The following C1orf53 variants were observed in gnomAD, a reference collection of about 807,000 sequenced individuals.
C1orf53 encodes the protein uncharacterized protein C1orf53.
A neutral mutation model predicts 17.5 loss-of-function variants in C1orf53; 23 were observed. The ratio of observed to expected loss-of-function variants is 1.31; its 90% CI spans 0.94 to 1.86. C1orf53 has a LOEUF of 1.86. Among genes scored for constraint, C1orf53 ranks in the 40% most tolerant of loss-of-function variants. The pLI, the probability that C1orf53 is intolerant of heterozygous loss-of-function variation, is 0.00. For synonymous variants in C1orf53, 108 were observed against 81.9 expected (o/e 1.32, Z -1.72); for missense variants, 255 against 193.2 (o/e 1.32, Z -1.89).
chr1:197,906,277 G>A (rs901628623), intron 2 of C1orf53, among the ~76,000 whole-genome samples: 1 of 152,124 alleles, frequency 6.6e-6, no homozygotes, highest in Admixed American at 6.5e-5. Context: ...TGAATAAATA[G>A]AAACTCGCCC....
rs749121180 is a variant in C1orf53 at position 197,902,913 on chromosome 1, G to C, written c.264G>C (p.Ala88=). 2.6e-4 allele frequency: 386 copies of C among 1,458,070 alleles called. 1 individual carries two copies. The highest frequency in any genetic ancestry group is 4.0e-4 in the South Asian group (30 of 75,392). 90.3% of individuals were successfully genotyped at this position (1,458,070 alleles called of 1,614,324 possible). ...CGGAGCTGCACGCTGCCGCCTGCGC[G>C]GTGAGACTCCCTCCTGCCCGCCCCG... The part of the protein sequence containing the change: ...QIAELHAAAC[A]AGQLNYVDPA... The change falls in exon 1 of 3, where the codon GCG becomes GCC. Residue 88 remains alanine, a splice_region_variant and synonymous_variant. Coordinates refer to ENST00000367393, the MANE Select transcript of C1orf53 (RefSeq NM_001024594.3).
At position 197,907,166 on chromosome 1, in the gene C1orf53, C is replaced by A. The variant is rs764159362; in HGVS notation, c.384C>A (p.Val128=). 2.5e-6 allele frequency: 4 copies of A among 1,575,032 alleles called. No homozygotes were observed. Among genetic ancestry groups the A allele is most frequent in the East Asian group, 4.5e-5 (2 of 44,292 alleles). The stretch of plus-strand genomic sequence containing the variant: ...TTCTGCAGTGTCCATATGGTCAAGT[C>A]AATGTTAAAGATCCATCTAAAAAGA... ...SACRHCPYGQ[V]NVKDPSKKKQ... Residue 128 remains valine (V), a synonymous_variant, in exon 3 of 3, where the codon GTC becomes GTA. Transcript: ENST00000367393.
At position 197,902,674 on chromosome 1, in the gene C1orf53, CGGACGGGTG is replaced by C; in HGVS notation, c.26_34del (p.Arg9_Ala12delinsPro). On this transcript the variant is annotated inframe_deletion, in exon 1 of 3. Coordinates refer to ENST00000367393, the MANE Select transcript of C1orf53 (RefSeq NM_001024594.3). Reference sequence around the variant, plus strand: ...CATGGCGGCCAGGCAGATCTGGGCACGGACGGGTGCCGCGCTCTGCAGGCAACCTTCCGC... The same window carrying C: ...CATGGCGGCCAGGCAGATCTGGGCACCCGCGCTCTGCAGGCAACCTTCCGC... 1 of 1,491,624 alleles carries C rather than the reference CGGACGGGTG, an allele frequency of 6.7e-7. No homozygotes were observed. Among genetic ancestry groups the C allele is most frequent in the Non-Finnish European group, 8.9e-7 (1 of 1,128,054 alleles). 92.4% of individuals were successfully genotyped at this position (1,491,624 alleles called of 1,614,324 possible). A position where few individuals can be genotyped will look rare whatever the true frequency, so the allele number is the denominator to read the frequency against.
intron 1 of C1orf53, 141 bp downstream of exon 1, chr1:197,903,054 G>T (rs554699016): frequency 1.3e-6 from 1 of 759,054 alleles, no homozygotes; most frequent in Non-Finnish European, 1.8e-6. Context: ...TGCCTCGGGC[G>T]ACATTCGCGC....
intron 2 of C1orf53, among the ~76,000 whole-genome samples, chr1:197,906,380 C>T (rs1659524286): frequency 6.7e-6 from 1 of 150,000 alleles, no homozygotes; most frequent in South Asian, 2.1e-4. Context: ...TTCTTTCCAT[C>T]TCTCTCTCTC....
At position 197,905,310 on chromosome 1, in the gene C1orf53, T is replaced by C. The variant is rs148226732; in HGVS notation, c.265-486T>C. Reference sequence around the variant, plus strand: ...TGAAGGTAAAGAAAGTGTTCAATAATAGCAAAGGTAATACTTTTCTATAAG... The same window carrying C: ...TGAAGGTAAAGAAAGTGTTCAATAACAGCAAAGGTAATACTTTTCTATAAG... On this transcript the variant is annotated intron_variant, in intron 1 of 2. Coordinates refer to ENST00000367393, the MANE Select transcript of C1orf53 (RefSeq NM_001024594.3). Among the ~76,000 whole-genome samples, 307 of 152,284 alleles carry C rather than the reference T, an allele frequency of 2.0e-3. 1 individual carries two copies. The highest frequency in any genetic ancestry group is 7.0e-3 in the African/African-American group (290 of 41,566).
rs561286137 is a variant in C1orf53, at chr1:197,906,888, G to A, written c.367-261G>A. ...GCATAAGAGCTTTTTGTAAATTGAGGATTTGAGGATTTTCTAAAAGTGGAT... is the reference window on the plus strand; with the variant it reads ...GCATAAGAGCTTTTTGTAAATTGAGAATTTGAGGATTTTCTAAAAGTGGAT... On this transcript the variant is annotated intron_variant, in intron 2 of 2. Coordinates refer to ENST00000367393, the MANE Select transcript of C1orf53 (RefSeq NM_001024594.3). Among the ~76,000 whole-genome samples the A allele has an allele frequency of 2.8e-3, 433 of 152,258 alleles. 2 individuals carry two copies. Among genetic ancestry groups the A allele is most frequent in the African/African-American group, 9.6e-3 (397 of 41,558 alleles).
rs1460789887 is a variant in C1orf53, at chr1:197,905,795, G to A, written c.265-1G>A. On this transcript the variant is annotated splice_acceptor_variant, in intron 1 of 2. Transcript: ENST00000367393. LOFTEE classifies it high-confidence loss of function. ...AATTGTTTCATTTTATTGCACTTCA[G>A]GCTGGCCAGCTAAACTATGTGGATC... 1 of 1,607,134 alleles carries A rather than the reference G, an allele frequency of 6.2e-7. No individual in the cohort carries two copies. Among genetic ancestry groups the A allele is most frequent in the East Asian group, 2.2e-5 (1 of 44,832 alleles).
At position 197,907,273 on chromosome 1, in the gene C1orf53, G is replaced by A; in HGVS notation, c.*53G>A. On this transcript the variant is annotated 3_prime_UTR_variant, in exon 3 of 3. Transcript: ENST00000367393. ...GTGCTTGTATTTTTTAAAAAATAAAGCCCCAATTCAGAATTGCTGGATTAT... is the reference window on the plus strand; with the variant it reads ...GTGCTTGTATTTTTTAAAAAATAAAACCCCAATTCAGAATTGCTGGATTAT... 1 of 1,046,190 alleles carries A rather than the reference G, an allele frequency of 9.6e-7. No individual in the cohort carries two copies. The highest frequency in any genetic ancestry group is 1.5e-5 in the South Asian group (1 of 68,060). The allele number at this position is 1,046,190 out of a possible 1,614,324, so 64.8% of individuals were successfully genotyped here. A position where few individuals can be genotyped will look rare whatever the true frequency, so the allele number is the denominator to read the frequency against.
chr1:197,904,431 A>G (rs1272351171), intron 1 of C1orf53, among the ~76,000 whole-genome samples: 4 of 152,252 alleles, frequency 2.6e-5, no homozygotes, highest in Non-Finnish European at 5.9e-5. Context: ...CCAGGTTGCC[A>G]GATAATTGCC....
At chr1:197,905,399 C>T (rs1234462124) in intron 1 of C1orf53, 1 of 155,174 alleles carries the variant, frequency 6.4e-6, no homozygotes, top group African/African-American at 2.4e-5. Flanking sequence ...ATTTTAAGTA[C>T]TGAAATTCCA....
chr1:197,907,068 CTTTT>C (rs1434988960), intron 2 of C1orf53, 77 bp from the exon 3 acceptor site: 14 of 846,506 alleles, frequency 1.7e-5, no homozygotes, highest in Non-Finnish European at 2.0e-5. Context: ...TTAACAGTCT[CTTTT>C]TGTCACCATG....
Position 197,902,636 on chromosome 1 carries a change from A to G in C1orf53, c.-14A>G. ...CCAGCGCCGGGTGCTCCGCCTCCCA[A>G]GGCCGGCGGCGGCATGGCGGCCAGG... On this transcript the variant is annotated 5_prime_UTR_variant, in exon 1 of 3. Transcript: ENST00000367393. 1.4e-6 allele frequency: 2 copies of G among 1,408,756 alleles called. No individual in the cohort carries two copies. Among genetic ancestry groups the G allele is most frequent in the Admixed American group, 3.1e-5 (1 of 32,414 alleles). 87.3% of individuals were successfully genotyped at this position (1,408,756 alleles called of 1,614,324 possible). A position where few individuals can be genotyped will look rare whatever the true frequency, so the allele number is the denominator to read the frequency against.
At chr1:197,905,527 A>G (rs945891788) in intron 1 of C1orf53, 34 of 263,306 alleles carry the variant, frequency 1.3e-4, no homozygotes, top group African/African-American at 6.9e-4. Context: ...AGCAGTGGCT[A>G]CATAGTTATT....
At chr1:197,907,097 TCAAGATGA>T in intron 2 of C1orf53, 44 bp from the exon 3 acceptor site, 1 of 1,144,216 alleles carries the variant, frequency 8.7e-7, no homozygotes, top group Non-Finnish European at 1.3e-6. Context: ...GTGTGCTTTT[TCAAGATGA>T]TTGTTAAATA....
Position 197,902,873 on chromosome 1 carries a change from C to T in C1orf53, c.224C>T (p.Ala75Val), listed in dbSNP as rs1289843289. The T allele has an allele frequency of 3.3e-6, 5 of 1,516,534 alleles. No homozygotes were observed. The highest frequency in any genetic ancestry group is 3.5e-6 in the Non-Finnish European group (4 of 1,137,818). The allele number at this position is 1,516,534 out of a possible 1,614,324, so 93.9% of individuals were successfully genotyped here. A position where few individuals can be genotyped will look rare whatever the true frequency, so the allele number is the denominator to read the frequency against. Reference protein sequence around the residue: ...RPSVSEELTAAERQIAELHAA... With the variant: ...RPSVSEELTAVERQIAELHAA... Reference sequence around the variant, plus strand: ...TCGGTGAGCGAAGAGTTAACCGCGGCGGAGCGACAGATCGCGGAGCTGCAC... The same window carrying T: ...TCGGTGAGCGAAGAGTTAACCGCGGTGGAGCGACAGATCGCGGAGCTGCAC... Residue 75 changes from alanine (A) to valine (V), a missense_variant, in exon 1 of 3, where the codon GCG (alanine) becomes GTG (valine). Transcript: ENST00000367393.
At chr1:197,904,859 A>G (rs1349845948) in intron 1 of C1orf53, among the ~76,000 whole-genome samples, 3 of 152,144 alleles carry the variant, frequency 2.0e-5, no homozygotes, top group Non-Finnish European at 4.4e-5. Context: ...GGTGGTTCAT[A>G]CAAAAATGTG....
At chr1:197,903,004 G>A (rs1571766615) in intron 1 of C1orf53, 91 bp downstream of exon 1, 12 of 1,192,346 alleles carry the variant, frequency 1.0e-5, no homozygotes, top group African/African-American at 1.6e-5. Context: ...CCCGGAGGCC[G>A]CCCGGCAGAG....
rs1383359868 is a variant in C1orf53, at chr1:197,905,815, T to C, written c.284T>C (p.Val95Ala). Residue 95 changes from valine (V) to alanine (A), a missense_variant, in exon 2 of 3, where the codon GTG becomes GCG. Val to Ala is a moderately conservative substitution (Grantham distance 64). Coordinates refer to ENST00000367393, the MANE Select transcript of C1orf53 (RefSeq NM_001024594.3). ...CTTCAGGCTGGCCAGCTAAACTATG[T>C]GGATCCAGCTACTGGCTATGTGGTG... is the stretch of plus-strand genomic sequence containing the variant. ...AACAAGQLNY[V>A]DPATGYVVLT... The C allele has an allele frequency of 1.2e-6, 2 of 1,613,558 alleles. No individual in the cohort carries two copies. Among genetic ancestry groups the C allele is most frequent in the Admixed American group, 1.7e-5 (1 of 59,988 alleles).
Sources: allele counts gnomAD v4.1 joint callset (sites outside exome capture counted in the v4.1 genomes callset), GRCh38; gene constraint gnomAD v4.1.1; transcripts MANE v1.5; gene names NCBI Gene and HGNC (gene_info 2026-07-23, HGNC 2026-07-21).